The following SAP130 variants were observed in gnomAD, a reference collection of about 807,000 sequenced individuals.
The protein encoded by SAP130 is Sin3A associated protein 130, also known as histone deacetylase complex subunit SAP130.
SAP130 carries 16 observed loss-of-function variants against 103.2 expected under a neutral mutation model. The ratio of observed to expected loss-of-function variants is 0.16; its 90% CI spans 0.10 to 0.24. SAP130 has a LOEUF of 0.24. Ranked by LOEUF, SAP130 falls within the 10% of genes least tolerant of loss-of-function variation. The pLI is 1.00. For synonymous variants in SAP130, 477 were observed against 497.0 expected (o/e 0.96, Z 0.53); for missense variants, 990 against 1,359.7 (o/e 0.73, Z 4.28).
chr2:127,994,554 T>C (rs949310073), intron 11 of SAP130, among the ~76,000 whole-genome samples: 1 of 152,216 alleles, frequency 6.6e-6, no homozygotes, highest in Non-Finnish European at 1.5e-5. Context: ...ACTGCACCAC[T>C]GCACTACAGC....
chr2:128,024,380 T>C (rs1685355093), intron 2 of SAP130, among the ~76,000 whole-genome samples: 1 of 151,740 alleles, frequency 6.6e-6, no homozygotes, highest in Non-Finnish European at 1.5e-5. Flanking sequence ...GCTGGAACAT[T>C]AGACAAGGGC....
chr2:127,976,344 TC>T (rs1398889263), intron 15 of SAP130, among the ~76,000 whole-genome samples: 1 of 152,198 alleles, frequency 6.6e-6, no homozygotes, highest in Admixed American at 6.5e-5. Context: ...TTCCCTTTAC[TC>T]TGTCTCCCTT....
At chr2:128,022,996 A>AT (rs113445838) in intron 2 of SAP130, among the ~76,000 whole-genome samples, 246 of 141,704 alleles carry the variant, frequency 1.7e-3, no homozygotes, top group South Asian at 1.8e-3. Context: ...CACCTGGCTA[A>AT]TTTTTTTTTT....
At chr2:128,020,561 G>A (rs1159711683) in intron 2 of SAP130, among the ~76,000 whole-genome samples, 1 of 152,082 alleles carries the variant, frequency 6.6e-6, no homozygotes, top group East Asian at 1.9e-4. Flanking sequence ...CTCTTAAGAG[G>A]CACTTTAGTT....
At chr2:127,967,623 C>A (rs544611481) in intron 15 of SAP130, among the ~76,000 whole-genome samples, 1 of 152,202 alleles carries the variant, frequency 6.6e-6, no homozygotes, top group East Asian at 1.9e-4. Context: ...GTCTTGAACT[C>A]CTGACCTTGT....
chr2:127,954,408 A>G (rs1679691407), intron 16 of SAP130, among the ~76,000 whole-genome samples: 1 of 152,112 alleles, frequency 6.6e-6, no homozygotes, highest in Admixed American at 6.5e-5. Context: ...TGAATATGTT[A>G]CTTTTGTAGG....
chr2:128,021,067 A>G (rs1191143302), intron 2 of SAP130, among the ~76,000 whole-genome samples: 1 of 152,104 alleles, frequency 6.6e-6, no homozygotes, highest in Non-Finnish European at 1.5e-5. Flanking sequence ...ATGGGCTTTT[A>G]GGTTATTTCC....
chr2:128,010,174 C>T (rs1684283813), intron 7 of SAP130, 95 bp downstream of exon 7: 1 of 1,347,972 alleles, frequency 7.4e-7, no homozygotes, highest in Non-Finnish European at 1.0e-6. Context: ...AAAAAAGCCA[C>T]TCAATAAATA....
intron 14 of SAP130, among the ~76,000 whole-genome samples, chr2:127,983,461 C>T (rs1367594700): frequency 6.6e-6 from 1 of 152,170 alleles, no homozygotes; most frequent in Non-Finnish European, 1.5e-5. Flanking sequence ...ATGACAAGGA[C>T]ACCCTGCCTA....
chr2:127,989,610 A>G lies in SAP130; in HGVS notation c.1734T>C (p.Pro578=). The G allele has an allele frequency of 6.2e-7, 1 of 1,614,214 alleles. No homozygotes were observed. Among genetic ancestry groups the G allele is most frequent in the Non-Finnish European group, 8.5e-7 (1 of 1,180,034 alleles). The change falls in exon 13 of 21, where the codon CCT becomes CCC. Residue 578 remains proline (P), a synonymous_variant. Coordinates refer to ENST00000643581, the MANE Select transcript of SAP130 (RefSeq NM_001330301.2). The surrounding 1 kb of genome is among the most constrained non-coding windows in gnomAD (Gnocchi z 4.6). ...GAGGCTGCTGAGTACCCATAGGTGC[A>G]GGCTGAAGCCCTTGTGTGTTGATTG... The part of the protein sequence containing the change: ...ATPINTQGLQ[P]APMGTQQPQP...
At position 127,953,666 on chromosome 2, in the gene SAP130, T is replaced by C. The variant is rs1359995524; in HGVS notation, c.2422+1320A>G. On this transcript the variant is annotated intron_variant, in intron 16 of 20. Coordinates refer to ENST00000643581, the MANE Select transcript of SAP130 (RefSeq NM_001330301.2). The surrounding 1 kb of genome is among the most constrained non-coding windows in gnomAD (Gnocchi z 4.0). ...CATCACGCATGCTCCTATCTCAAGA[T>C]TTTTGTACTTACTGCTCTCTGGCCT... Among the ~76,000 whole-genome samples the C allele has an allele frequency of 6.6e-6, 1 of 152,176 alleles. No homozygotes were observed.
chr2:127,957,271 CCAGCCTGGGCAACAGAGGGACTAGAAG>C (rs1679907185), intron 15 of SAP130, among the ~76,000 whole-genome samples: 1 of 152,046 alleles, frequency 6.6e-6, no homozygotes, highest in Non-Finnish European at 1.5e-5. Context: ...CACTGGCACT[CCAGCCTGGGCAACAGAGGGACTAGAAG>C]TTCTGGAATA....
intron 15 of SAP130, among the ~76,000 whole-genome samples, chr2:127,967,748 C>A (rs1359649518): frequency 1.3e-5 from 2 of 152,150 alleles, no homozygotes; most frequent in African/African-American, 4.8e-5. Context: ...AACATCCAGA[C>A]AGAATCTTGG....
At chr2:127,977,253 G>A (rs113382211) in intron 15 of SAP130, among the ~76,000 whole-genome samples, 55,504 of 150,998 alleles carry the variant, frequency 0.37, 10,425 homozygotes, top group Middle Eastern at 0.55. Flanking sequence ...ACTTTGGGAG[G>A]CTGAGGCACG....
intron 14 of SAP130, among the ~76,000 whole-genome samples, chr2:127,983,284 A>G (rs1682090811): frequency 6.6e-6 from 1 of 152,208 alleles, no homozygotes; most frequent in African/African-American, 2.4e-5. Flanking sequence ...ATTTCATTTT[A>G]ATTAATTTGA....
chr2:127,941,952 A>ACCCCCCCCC lies in SAP130; in HGVS notation c.*53_*54insGGGGGGGGG. 1 of 200,448 alleles carries ACCCCCCCCC rather than the reference A, an allele frequency of 5.0e-6. No homozygotes were observed. Among genetic ancestry groups the ACCCCCCCCC allele is most frequent in the Non-Finnish European group, 9.1e-6 (1 of 109,966 alleles). The allele number at this position is 200,448 out of a possible 1,614,324, so 12.4% of individuals were successfully genotyped here. On this transcript the variant is annotated 3_prime_UTR_variant, in exon 21 of 21. Coordinates refer to ENST00000643581, the MANE Select transcript of SAP130 (RefSeq NM_001330301.2). Reference sequence around the variant, plus strand: ...TGGAAAAAACCAAAACCCTCCCCCCACCCCCACCATCATTCTTCATAAATT... The same window carrying ACCCCCCCCC: ...TGGAAAAAACCAAAACCCTCCCCCCACCCCCCCCCCCCCCACCATCATTCTTCATAAATT...
chr2:128,021,134 A>C (rs1685124264), intron 2 of SAP130, among the ~76,000 whole-genome samples: 1 of 152,136 alleles, frequency 6.6e-6, no homozygotes, highest in Admixed American at 6.5e-5. Flanking sequence ...AAAAATTCCT[A>C]AAAGTACAAG....
chr2:127,972,225 AG>A (rs1681140088), intron 15 of SAP130, among the ~76,000 whole-genome samples: 1 of 152,250 alleles, frequency 6.6e-6, no homozygotes, highest in Admixed American at 6.5e-5. Context: ...TGTTGCTCAC[AG>A]GGAGACTTTG....
chr2:127,997,689 A>G (rs1484536755), intron 10 of SAP130, among the ~76,000 whole-genome samples: 2 of 152,200 alleles, frequency 1.3e-5, no homozygotes, highest in Admixed American at 6.5e-5. Context: ...ACTGAGCCCC[A>G]TGAAAGGTAG....
Sources: gnomAD v4.1 joint callset for allele counts (sites outside exome capture counted in the v4.1 genomes callset) on GRCh38, gnomAD v4.1.1 for gene constraint, Gnocchi (gnomAD v3.1) non-coding constraint, MANE v1.5 for transcripts, NCBI Gene and HGNC (gene_info 2026-07-23, HGNC 2026-07-21) for gene names.